The following TSHR variants were observed in gnomAD, a reference collection of about 807,000 sequenced individuals.
TSHR encodes the protein thyroid stimulating hormone receptor.
A neutral mutation model predicts 64.1 loss-of-function variants in TSHR; 51 were observed. The observed-to-expected ratio is 0.80, with a 90% CI of 0.64 to 1.01. TSHR has a LOEUF of 1.01. Among genes scored for constraint, TSHR ranks in the 50% least tolerant of loss-of-function variants. The pLI, the probability that TSHR is intolerant of heterozygous loss-of-function variation, is 0.00. For synonymous variants in TSHR, 361 were observed against 361.9 expected (o/e 1.00, Z 0.03); for missense variants, 877 against 942.8 (o/e 0.93, Z 0.91).
chr14:81,124,633 T>C (rs1890943037), intron 8 of TSHR, among the ~76,000 whole-genome samples: 1 of 152,206 alleles, frequency 6.6e-6, no homozygotes, highest in Non-Finnish European at 1.5e-5. Flanking sequence ...TATACTGTTT[T>C]CCAAAAGGGT....
At chr14:80,974,870 G>T (rs1381230408) in intron 1 of TSHR, among the ~76,000 whole-genome samples, 1 of 152,336 alleles carries the variant, frequency 6.6e-6, no homozygotes, top group African/African-American at 2.4e-5. Flanking sequence ...TCACGGTGAA[G>T]AGCAGAGGAC....
At chr14:81,099,767 T>G (rs1428493425) in intron 7 of TSHR, among the ~76,000 whole-genome samples, 1 of 152,180 alleles carries the variant, frequency 6.6e-6, no homozygotes, top group Non-Finnish European at 1.5e-5. Context: ...TGAACTTAGT[T>G]TACGTATATT....
intron 1 of TSHR, among the ~76,000 whole-genome samples, chr14:81,008,175 C>CTTT (rs34516600): frequency 7.8e-6 from 1 of 128,698 alleles, no homozygotes; most frequent in Non-Finnish European, 1.7e-5. Context: ...TTCTTTCTTT[C>CTTT]TTTTTTTTTT....
Position 81,143,590 on chromosome 14 carries a change from C to T in TSHR, c.1532C>T (p.Thr511Met), listed in dbSNP as rs369995834. 94 of 1,613,346 alleles carry T rather than the reference C, an allele frequency of 5.8e-5. No homozygotes were observed. The highest frequency in any genetic ancestry group is 7.5e-5 in the Non-Finnish European group (88 of 1,180,038). The part of the protein sequence containing the change: ...TVFASELSVY[T>M]LTVITLERWY... The stretch of plus-strand genomic sequence containing the variant: ...TTTGCAAGCGAGTTATCGGTGTATA[C>T]GCTGACGGTCATCACCCTGGAGCGC... Residue 511 changes from threonine (T) to methionine (M), a missense_variant, in exon 10 of 10, where the codon ACG becomes ATG. By Grantham distance (81) the Thr-to-Met change is moderately conservative (BLOSUM62 -1). Transcript: ENST00000298171.
intron 8 of TSHR, among the ~76,000 whole-genome samples, chr14:81,138,806 T>C (rs940260786): frequency 2.0e-5 from 3 of 152,226 alleles, no homozygotes; most frequent in African/African-American, 7.2e-5. Flanking sequence ...AATATTTTAA[T>C]TGACAAAATA....
intron 1 of TSHR, among the ~76,000 whole-genome samples, chr14:80,964,846 G>A (rs530072767): frequency 6.6e-6 from 1 of 152,304 alleles, no homozygotes; most frequent in Non-Finnish European, 1.5e-5. Context: ...GTGGCAAGCT[G>A]TCACAGTTAG....
intron 1 of TSHR, among the ~76,000 whole-genome samples, chr14:81,033,662 C>G (rs944899819): frequency 2.1e-5 from 3 of 145,780 alleles, no homozygotes; most frequent in Non-Finnish European, 4.5e-5. Context: ...ATCTTTAAAC[C>G]AAGAGCTTAG....
intron 1 of TSHR, chr14:80,982,733 T>C: frequency 2.6e-6 from 2 of 775,784 alleles, no homozygotes. Context: ...TATATTGTTT[T>C]GGCCTCAGCT....
At chr14:81,021,530 A>G (rs1883751917) in intron 1 of TSHR, among the ~76,000 whole-genome samples, 1 of 152,246 alleles carries the variant, frequency 6.6e-6, no homozygotes, top group African/African-American at 2.4e-5. Context: ...AGGCAGGGAA[A>G]GAAGGAGAGC....
intron 7 of TSHR, chr14:81,102,861 A>G: frequency 1.0e-6 from 1 of 985,366 alleles, no homozygotes; most frequent in Non-Finnish European, 1.2e-6. Flanking sequence ...TGGGATCAAG[A>G]TAAAAAGTAT....
chr14:80,955,955 T>A, intron 1 of TSHR, 105 bp downstream of exon 1: 1 of 1,376,486 alleles, frequency 7.3e-7, no homozygotes, highest in Non-Finnish European at 1.0e-6. Flanking sequence ...AAGTAGTGTG[T>A]GAGTGTGTGT....
At chr14:81,085,333 G>C (rs1038776438) in intron 3 of TSHR, among the ~76,000 whole-genome samples, 3 of 152,126 alleles carry the variant, frequency 2.0e-5, no homozygotes, top group Non-Finnish European at 2.9e-5. Context: ...CCCCTTCTCT[G>C]CTTCAGGAGA....
At chr14:80,997,633 T>A (rs576063557) in intron 1 of TSHR, among the ~76,000 whole-genome samples, 91 of 152,302 alleles carry the variant, frequency 6.0e-4, no homozygotes, top group African/African-American at 2.1e-3. Context: ...GGAGTAACAA[T>A]AATAATTAAT....
Position 81,144,494 on chromosome 14 carries a change from G to C in TSHR, c.*141G>C, listed in dbSNP as rs1311953998. On this transcript the variant is annotated 3_prime_UTR_variant, in exon 10 of 10. Transcript: ENST00000298171. ...GATGTTTCAATGTTTCATGGGGCAA[G>C]AGTTTATCTCTGGAGAGTGATTAGT... is the stretch of plus-strand genomic sequence containing the variant. 1 of 863,864 alleles carries C rather than the reference G, an allele frequency of 1.2e-6. No homozygotes were observed. The highest frequency in any genetic ancestry group is 2.1e-5 in the Admixed American group (1 of 48,046). The allele number at this position is 863,864 out of a possible 1,614,324, so 53.5% of individuals were successfully genotyped here.
chr14:81,008,900 T>C (rs943960000), intron 1 of TSHR, among the ~76,000 whole-genome samples: 4 of 152,224 alleles, frequency 2.6e-5, no homozygotes, highest in Admixed American at 6.5e-5. Flanking sequence ...AATGTACCCA[T>C]ACAATATGAA....
In TSHR at chr14:81,009,946, T is replaced by C. The variant is rs774917353; in HGVS notation, c.171-52202T>C. 2.7e-4 allele frequency among the ~76,000 whole-genome samples: 41 copies of C among 152,258 alleles called. No individual in the cohort carries two copies. In the East Asian group the frequency reaches 3.7e-3, roughly 14 times the overall value. On this transcript the variant is annotated intron_variant, in intron 1 of 9. Coordinates refer to ENST00000298171, the MANE Select transcript of TSHR (RefSeq NM_000369.5). ...ACAAGTTAACTTCAATTTTACCAGATAGTTCCAAATTACTCTTTGGAGTGA... is the reference window on the plus strand; with the variant it reads ...ACAAGTTAACTTCAATTTTACCAGACAGTTCCAAATTACTCTTTGGAGTGA...
intron 3 of TSHR, among the ~76,000 whole-genome samples, chr14:81,074,457 C>T (rs750662792): frequency 3.3e-5 from 5 of 152,104 alleles, no homozygotes; most frequent in Non-Finnish European, 7.4e-5. Context: ...CTCATCTTTG[C>T]TCAAGGAATT....
intron 2 of TSHR, among the ~76,000 whole-genome samples, chr14:81,062,839 G>C (rs533132535): frequency 1.3e-5 from 2 of 152,180 alleles, no homozygotes; most frequent in Non-Finnish European, 2.9e-5. Context: ...GATAGTTCAG[G>C]CATGCGAAAT....
chr14:81,140,001 G>A, intron 9 of TSHR, 134 bp downstream of exon 9: 2 of 1,231,664 alleles, frequency 1.6e-6, no homozygotes, highest in South Asian at 2.6e-5. Context: ...TATGAAACAG[G>A]AAATCCATGG....
Sources: gnomAD v4.1 joint callset for allele counts (sites outside exome capture counted in the v4.1 genomes callset) on GRCh38, gnomAD v4.1.1 for gene constraint, MANE v1.5 for transcripts, NCBI Gene and HGNC (gene_info 2026-07-23, HGNC 2026-07-21) for gene names.